Variants in DCC observed in about 807,000 individuals in gnomAD.
The protein encoded by DCC is netrin receptor DCC.
A neutral mutation model predicts 172.5 loss-of-function variants in DCC; 58 were observed. The observed-to-expected ratio is 0.34, with a 90% CI of 0.27 to 0.42. The LOEUF (loss-of-function observed/expected upper bound fraction) is 0.42. Ranked by LOEUF, DCC falls within the 10% of genes least tolerant of loss-of-function variation. The probability of loss-of-function intolerance (pLI) is 1.00; values close to 1 mark genes in which losing one functional copy is unlikely to be tolerated. For synonymous variants in DCC, 709 were observed against 644.5 expected, an observed-to-expected ratio of 1.10 and a Z score of -1.52; for missense variants, 1,740 against 1,791.0, an observed-to-expected ratio of 0.97 and a Z score of 0.51.
intron 15 of DCC, among the ~76,000 whole-genome samples, chr18:53,351,499 A>G (rs1291090672): frequency 4.0e-5 from 5 of 124,130 alleles, no homozygotes; most frequent in African/African-American, 8.9e-5. Flanking sequence ...TAGTGTGTAT[A>G]TATATATATA....
intron 1 of DCC, among the ~76,000 whole-genome samples, chr18:52,598,665 G>C (rs1032573720): frequency 1.3e-5 from 2 of 152,156 alleles, no homozygotes; most frequent in Non-Finnish European, 2.9e-5. Context: ...ATTTAAATAT[G>C]GAATTTGGTA....
At chr18:52,387,656 G>A (rs1406308373) in intron 1 of DCC, among the ~76,000 whole-genome samples, 2 of 129,870 alleles carry the variant, frequency 1.5e-5, no homozygotes, top group East Asian at 2.2e-4. Flanking sequence ...CTTTAATGAA[G>A]TATGATCTAT....
intron 1 of DCC, among the ~76,000 whole-genome samples, chr18:52,611,192 C>G (rs1039114939): frequency 6.6e-6 from 1 of 152,120 alleles, no homozygotes; most frequent in African/African-American, 2.4e-5. Flanking sequence ...CTGATTTCAG[C>G]TCACAGGGTG....
rs753864399 is a variant in DCC at position 53,157,530 on chromosome 18, T to C, written c.1418+18T>C. ...GACAACAGGTAGGTGATGCTACCAA[T>C]AAAATTCAGCTTAATCGGTCATCTC... On this transcript the variant is annotated intron_variant, in intron 8 of 28. Coordinates refer to ENST00000442544, the MANE Select transcript of DCC (RefSeq NM_005215.4). 3 of 1,613,466 alleles carry C rather than the reference T, an allele frequency of 1.9e-6. No individual in the cohort carries two copies. Among genetic ancestry groups the C allele is most frequent in the Non-Finnish European group, 1.7e-6 (2 of 1,179,676 alleles).
chr18:52,772,974 G>T lies in DCC; in HGVS notation c.412+20600G>T, dbSNP rs2037367996. Among the ~76,000 whole-genome samples, 3 of 152,252 alleles carry T rather than the reference G, an allele frequency of 2.0e-5. No individual in the cohort carries two copies. The South Asian group carries it at 6.2e-4, about 32-fold the overall frequency. ...ATTGTTTGGTTGTTTGGCATTCAGAGTGCTATGGGCATAGATCCTTGATGG... is the reference window on the plus strand; with the variant it reads ...ATTGTTTGGTTGTTTGGCATTCAGATTGCTATGGGCATAGATCCTTGATGG... On this transcript the variant is annotated intron_variant, in intron 2 of 28. Transcript: ENST00000442544.
chr18:53,526,657 T>G lies in DCC; in HGVS notation c.4152T>G (p.Leu1384=). ...AGACCCATGTGAAAACAGCCTCCCT[T>G]GGGTTGGCTGGAAAAGCAAGATCCC... is the stretch of plus-strand genomic sequence containing the variant. ...LPKTHVKTAS[L]GLAGKARSPL... The change falls in exon 28 of 29, where the codon CTT becomes CTG. Residue 1384 remains leucine (L), a synonymous_variant. Transcript: ENST00000442544. 6.2e-7 allele frequency: 1 copy of G among 1,613,562 alleles called. No homozygotes were observed. The highest frequency in any genetic ancestry group is 1.7e-4 in the Middle Eastern group (1 of 6,058).
At chr18:52,581,182 A>G (rs60962071) in intron 1 of DCC, among the ~76,000 whole-genome samples, 2 of 3,182 alleles carry the variant, frequency 6.3e-4, no homozygotes, top group Non-Finnish European at 4.2e-3. Context: ...TTCTATCTAT[A>G]TATCTTATCT....
chr18:53,227,362 T>G (rs2144607117), intron 12 of DCC, among the ~76,000 whole-genome samples: 1 of 152,280 alleles, frequency 6.6e-6, no homozygotes, highest in East Asian at 1.9e-4. Flanking sequence ...TCATACAATC[T>G]TAATATATGT....
At chr18:52,748,071 G>A (rs919708601) in intron 1 of DCC, among the ~76,000 whole-genome samples, 1 of 152,186 alleles carries the variant, frequency 6.6e-6, no homozygotes, top group South Asian at 2.1e-4. Context: ...CACCATAGGC[G>A]TGCCAGGCAT....
chr18:53,408,335 G>T (rs1466093854), intron 19 of DCC, among the ~76,000 whole-genome samples: 1 of 152,138 alleles, frequency 6.6e-6, no homozygotes, highest in Non-Finnish European at 1.5e-5. Context: ...TGTTCACCTG[G>T]CTGAGGTCTC....
At chr18:52,719,702 G>T (rs2036443513) in intron 1 of DCC, among the ~76,000 whole-genome samples, 1 of 152,166 alleles carries the variant, frequency 6.6e-6, no homozygotes. Context: ...AGCTTTTGAT[G>T]TGGGGTCTGT....
At chr18:52,692,684 G>T (rs909483928) in intron 1 of DCC, among the ~76,000 whole-genome samples, 1 of 151,994 alleles carries the variant, frequency 6.6e-6, no homozygotes, top group Non-Finnish European at 1.5e-5. Flanking sequence ...CTCCTGCCTT[G>T]GTCTCCCAAA....
intron 20 of DCC, among the ~76,000 whole-genome samples, chr18:53,412,835 A>G (rs1352080374): frequency 6.6e-6 from 1 of 152,216 alleles, no homozygotes; most frequent in Non-Finnish European, 1.5e-5. Flanking sequence ...ATCACTGTTT[A>G]ATTAAAAGGA....
chr18:53,225,495 AG>A (rs911318283), intron 12 of DCC, among the ~76,000 whole-genome samples: 7 of 152,200 alleles, frequency 4.6e-5, no homozygotes, highest in African/African-American at 7.2e-5. Context: ...GAATGGGCAC[AG>A]ACAATTGAAT....
intron 5 of DCC, among the ~76,000 whole-genome samples, chr18:52,953,038 TTGCCTTTAATACCTCTCTAATATTCCTTA>T (rs2040683311): frequency 5.8e-5 from 8 of 137,478 alleles, no homozygotes; most frequent in Non-Finnish European, 1.3e-4. Flanking sequence ...ACTCATAACA[TTGCCTTTAATACCTCTCTAATATTCCTTA>T]CATCATTCTA....
intron 12 of DCC, among the ~76,000 whole-genome samples, chr18:53,292,741 C>T (rs2057021192): frequency 6.6e-6 from 1 of 152,084 alleles, no homozygotes; most frequent in Non-Finnish European, 1.5e-5. Flanking sequence ...TTGCACAATG[C>T]TGAATTGTCT....
At position 52,478,151 on chromosome 18, in the gene DCC, A is replaced by C. The variant is rs560953198; in HGVS notation, c.91+137273A>C. 1.4e-4 allele frequency among the ~76,000 whole-genome samples: 22 copies of C among 152,148 alleles called. No individual in the cohort carries two copies. In the South Asian group the frequency reaches 4.1e-3, roughly 29 times the overall value. On this transcript the variant is annotated intron_variant, in intron 1 of 28. Coordinates refer to ENST00000442544, the MANE Select transcript of DCC (RefSeq NM_005215.4). ...ATCCTGGGTTACAATCCTACATTTTATATATTATTTTTGAATGAAATTTGT... is the reference window on the plus strand; with the variant it reads ...ATCCTGGGTTACAATCCTACATTTTCTATATTATTTTTGAATGAAATTTGT...
intron 12 of DCC, among the ~76,000 whole-genome samples, chr18:53,217,489 C>T (rs1283895465): frequency 6.6e-6 from 1 of 151,970 alleles, no homozygotes; most frequent in Non-Finnish European, 1.5e-5. Context: ...AATACTATGC[C>T]CAGGCACTGG....
intron 13 of DCC, among the ~76,000 whole-genome samples, chr18:53,306,506 A>C (rs1278054879): frequency 6.6e-6 from 1 of 152,214 alleles, no homozygotes; most frequent in Non-Finnish European, 1.5e-5. Flanking sequence ...CAAACACAGC[A>C]CTTGCTAGGT....
Sources: gnomAD v4.1 joint callset for allele counts (sites outside exome capture counted in the v4.1 genomes callset) on GRCh38, gnomAD v4.1.1 for gene constraint, MANE v1.5 for transcripts, NCBI Gene and HGNC (gene_info 2026-07-23, HGNC 2026-07-21) for gene names.